Variants in MAST4 observed in about 807,000 individuals in gnomAD.
MAST4 encodes microtubule-associated serine/threonine-protein kinase 4.
Under a neutral mutation model 162.7 loss-of-function variants are expected in MAST4, and 89 were observed. The ratio of observed to expected loss-of-function variants is 0.55; its 90% CI spans 0.46 to 0.65. The LOEUF (loss-of-function observed/expected upper bound fraction) is 0.65, where lower values mean the gene tolerates loss of function less well. MAST4 is among the 30% of genes least tolerant of loss of function. The probability of loss-of-function intolerance (pLI) is 0.00; values close to 1 mark genes in which losing one functional copy is unlikely to be tolerated. For synonymous variants in MAST4, 1,479 were observed against 1,361.1 expected, an observed-to-expected ratio of 1.09 and a Z score of -1.91; for missense variants, 3,153 against 3,374.0, an observed-to-expected ratio of 0.93 and a Z score of 1.62.
At chr5:67,008,811 G>C (rs111343773) in intron 4 of MAST4, among the ~76,000 whole-genome samples, 1,628 of 152,238 alleles carry the variant, frequency 0.011, 30 homozygotes, top group Non-Finnish European at 0.013. Context: ...ATGAACAGCA[G>C]GTACCTTCAG....
chr5:67,034,685 T>C (rs1333264479), intron 4 of MAST4, among the ~76,000 whole-genome samples: 2 of 152,200 alleles, frequency 1.3e-5, no homozygotes, highest in African/African-American at 2.4e-5. Flanking sequence ...TGTGAGACAC[T>C]TTATATTCCA....
At chr5:66,898,616 A>G (rs954315481) in intron 3 of MAST4, among the ~76,000 whole-genome samples, 2 of 152,240 alleles carry the variant, frequency 1.3e-5, no homozygotes, top group Non-Finnish European at 2.9e-5. Context: ...AGCAAAGCAA[A>G]ACAAAACAAA....
intron 3 of MAST4, among the ~76,000 whole-genome samples, chr5:66,803,248 T>TCTGTG (rs2149700393): frequency 6.6e-6 from 1 of 152,318 alleles, no homozygotes; most frequent in East Asian, 1.9e-4. Flanking sequence ...AGTCGGTCAA[T>TCTGTG]CCATCTGTCC....
intron 24 of MAST4, among the ~76,000 whole-genome samples, chr5:67,151,415 G>T (rs1463065458): frequency 6.6e-6 from 1 of 152,128 alleles, no homozygotes; most frequent in Non-Finnish European, 1.5e-5. Flanking sequence ...TTTATGAGGG[G>T]CAGAGCCCTC....
intron 1 of MAST4, among the ~76,000 whole-genome samples, chr5:66,715,816 A>T (rs917206124): frequency 6.6e-6 from 1 of 151,732 alleles, no homozygotes; most frequent in Non-Finnish European, 1.5e-5. Flanking sequence ...ATGGATACAG[A>T]TATCAAATTA....
intron 4 of MAST4, among the ~76,000 whole-genome samples, chr5:67,000,760 G>T (rs573093027): frequency 6.6e-6 from 1 of 151,710 alleles, no homozygotes; most frequent in South Asian, 2.1e-4. Flanking sequence ...AAAAAAAGGG[G>T]GGGGGTGGCT....
At chr5:66,682,462 G>A (rs938637625) in intron 1 of MAST4, among the ~76,000 whole-genome samples, 5 of 152,214 alleles carry the variant, frequency 3.3e-5, no homozygotes, top group Non-Finnish European at 1.5e-5. Context: ...ATAAAGATGG[G>A]TTCAGTTGAA....
intron 3 of MAST4, among the ~76,000 whole-genome samples, chr5:66,814,226 C>T (rs1238569660): frequency 6.6e-6 from 1 of 152,208 alleles, no homozygotes; most frequent in Non-Finnish European, 1.5e-5. Context: ...TTATGATCAA[C>T]ATGTACTTCA....
chr5:66,845,126 T>TATATATATACACACACACAC (rs1358855625), intron 3 of MAST4, among the ~76,000 whole-genome samples: 4 of 67,170 alleles, frequency 6.0e-5, no homozygotes, highest in Admixed American at 1.7e-4. Context: ...TATATATATA[T>TATATATATACACACACACAC]ACACACACAC....
At chr5:66,755,821 A>G (rs1272073786) in intron 1 of MAST4, among the ~76,000 whole-genome samples, 1 of 152,210 alleles carries the variant, frequency 6.6e-6, no homozygotes, top group Non-Finnish European at 1.5e-5. Context: ...AATACAGTAC[A>G]TTGCTATTAA....
At chr5:67,056,786 TC>T (rs1225909991) in intron 5 of MAST4, among the ~76,000 whole-genome samples, 1 of 152,160 alleles carries the variant, frequency 6.6e-6, no homozygotes, top group East Asian at 1.9e-4. Flanking sequence ...AACTTCTGCC[TC>T]CTGGGTTCAA....
intron 4 of MAST4, among the ~76,000 whole-genome samples, chr5:66,923,201 A>G (rs1325362702): frequency 6.6e-6 from 1 of 152,206 alleles, no homozygotes; most frequent in Admixed American, 6.5e-5. Context: ...GGGGTTTTTC[A>G]TAGTCCTTGT....
At chr5:66,728,984 C>T (rs1328645120) in intron 1 of MAST4, among the ~76,000 whole-genome samples, 2 of 152,104 alleles carry the variant, frequency 1.3e-5, no homozygotes, top group African/African-American at 4.8e-5. Context: ...CCTTGGGTAC[C>T]ATCAGCTTTT....
chr5:66,897,056 A>T (rs1762726317), intron 3 of MAST4, among the ~76,000 whole-genome samples: 1 of 152,252 alleles, frequency 6.6e-6, no homozygotes, highest in African/African-American at 2.4e-5. Flanking sequence ...TCATTGAGTC[A>T]TCAATATCAA....
Position 67,163,172 on chromosome 5 carries a change from C to T in MAST4, c.3993C>T (p.Ser1331=). The change falls in exon 29 of 29, where the codon TCC becomes TCT. Residue 1331 remains serine, a synonymous_variant. Coordinates refer to ENST00000403625, the MANE Select transcript of MAST4 (RefSeq NM_001164664.2). This position sits in a 1 kb window ranked among gnomAD's most constrained non-coding sequence, Gnocchi z 7.0. ...PSGTNSSQSS[S]PSSSAPNSPA... The stretch of plus-strand genomic sequence containing the variant: ...GTACTAATTCCTCCCAGAGCAGCTC[C>T]CCTAGTTCTAGTGCCCCCAATTCCC... 1 of 1,609,562 alleles carries T rather than the reference C, an allele frequency of 6.2e-7. No homozygotes were observed. The highest frequency in any genetic ancestry group is 8.5e-7 in the Non-Finnish European group (1 of 1,176,310).
intron 1 of MAST4, among the ~76,000 whole-genome samples, chr5:66,696,246 GC>G (rs1749391727): frequency 6.6e-6 from 1 of 152,014 alleles, no homozygotes; most frequent in African/African-American, 2.4e-5. Flanking sequence ...AATAGCTAAA[GC>G]ATGCAGGGCT....
Position 67,136,623 on chromosome 5 carries a change from C to T in MAST4, c.2453C>T (p.Thr818Ile). 6.2e-7 allele frequency: 1 copy of T among 1,605,858 alleles called. No individual in the cohort carries two copies. Among genetic ancestry groups the T allele is most frequent in the Non-Finnish European group, 8.5e-7 (1 of 1,176,038 alleles). Residue 818 changes from threonine (T) to isoleucine (I), a missense_variant, in exon 19 of 29, where the codon ACC (threonine) becomes ATC (isoleucine). By Grantham distance (89) the Thr-to-Ile change is moderately conservative. This residue lies in a region of MAST4 where 62 missense variants were observed against 63.1 expected (regional missense o/e 0.98). Coordinates refer to ENST00000403625, the MANE Select transcript of MAST4 (RefSeq NM_001164664.2). ...APPPDAQDLITLLLRQNPLER... is the reference protein window; with the variant it reads ...APPPDAQDLIILLLRQNPLER... Reference sequence around the variant, plus strand: ...CCACCTGATGCCCAGGATCTGATTACCTTACTCCTCAGGCAGAATCCCCTG... The same window carrying T: ...CCACCTGATGCCCAGGATCTGATTATCTTACTCCTCAGGCAGAATCCCCTG...
rs530389953 is a variant in MAST4, at chr5:66,596,882, G to A, written c.227G>A (p.Arg76Gln). Residue 76 changes from arginine to glutamine, a missense_variant, in exon 1 of 29, where the codon CGG (arginine) becomes CAG (glutamine). Transcript: ENST00000403625. Reference protein sequence around the residue: ...PPPLGGTLGARAPAAWAPASV... With the variant: ...PPPLGGTLGAQAPAAWAPASV... ...CCGTTGGGAGGCACCCTGGGCGCCC[G>A]GGCGCCCGCCGCGTGGGCTCCGGCA... The A allele has an allele frequency of 7.0e-6, 9 of 1,294,874 alleles. No homozygotes were observed. In the South Asian group the frequency reaches 1.1e-4, roughly 15 times the overall value. 80.2% of individuals were successfully genotyped at this position (1,294,874 alleles called of 1,614,324 possible).
chr5:66,921,388 C>A (rs1349273769), intron 4 of MAST4, among the ~76,000 whole-genome samples: 1 of 152,146 alleles, frequency 6.6e-6, no homozygotes, highest in African/African-American at 2.4e-5. Context: ...CGTCCAGAGG[C>A]ATTCTTAATT....
Sources: gnomAD v4.1 joint callset for allele counts (sites outside exome capture counted in the v4.1 genomes callset) on GRCh38, gnomAD v4.1.1 for gene constraint, gnomAD v4.1.1 regional missense constraint, Gnocchi (gnomAD v3.1) non-coding constraint, MANE v1.5 for transcripts, NCBI Gene and HGNC (gene_info 2026-07-23, HGNC 2026-07-21) for gene names.